The following TCF7L1 variants were observed in gnomAD, a reference collection of about 807,000 sequenced individuals.
TCF7L1 encodes the protein transcription factor 7-like 1.
Under a neutral mutation model 63.7 loss-of-function variants are expected in TCF7L1, and 18 were observed. That is an observed-to-expected ratio of 0.28 (90% CI 0.20 to 0.42). The LOEUF is 0.42. TCF7L1 is among the 10% of genes least tolerant of loss of function. The pLI, the probability that TCF7L1 is intolerant of heterozygous loss-of-function variation, is 1.00. For missense variants in TCF7L1, 654 were observed against 779.3 expected (o/e 0.84, Z 1.91); for synonymous variants, 355 against 340.9 (o/e 1.04, Z -0.46).
chr2:85,185,960 A>ATTTTT (rs67142055), intron 3 of TCF7L1, among the ~76,000 whole-genome samples: 25 of 94,622 alleles, frequency 2.6e-4, no homozygotes, highest in African/African-American at 8.5e-4. Flanking sequence ...AACACAGGGG[A>ATTTTT]TTTTTTTTTT....
At chr2:85,202,594 G>T (rs1373553466) in intron 3 of TCF7L1, among the ~76,000 whole-genome samples, 1 of 152,118 alleles carries the variant, frequency 6.6e-6, no homozygotes, top group Admixed American at 6.5e-5. Flanking sequence ...AGAGGTCTTT[G>T]ATCAATTCTG....
At chr2:85,191,740 G>A (rs754738459) in intron 3 of TCF7L1, among the ~76,000 whole-genome samples, 10 of 151,588 alleles carry the variant, frequency 6.6e-5, no homozygotes, top group Admixed American at 4.6e-4. Context: ...CAGGAGAATC[G>A]CTTGCAGCTG....
At chr2:85,307,548 G>C (rs1682147400) in intron 10 of TCF7L1, 94 bp from the exon 11 acceptor site, 2 of 1,076,044 alleles carry the variant, frequency 1.9e-6, no homozygotes, top group Non-Finnish European at 2.8e-6. Context: ...GAGCAGTAAA[G>C]GGCAACGTCC....
At chr2:85,193,759 G>A (rs528185284) in intron 3 of TCF7L1, among the ~76,000 whole-genome samples, 1 of 152,164 alleles carries the variant, frequency 6.6e-6, no homozygotes, top group Non-Finnish European at 1.5e-5. Flanking sequence ...TCTTTTTTGG[G>A]AAATACAGAA....
chr2:85,136,274 G>C (rs1343359951), intron 3 of TCF7L1, among the ~76,000 whole-genome samples: 2 of 152,122 alleles, frequency 1.3e-5, no homozygotes, highest in Admixed American at 1.3e-4. Flanking sequence ...GATTCATCCA[G>C]GCTCTGCTGT....
At chr2:85,242,023 C>CT (rs1553402554) in intron 3 of TCF7L1, among the ~76,000 whole-genome samples, 2 of 139,534 alleles carry the variant, frequency 1.4e-5, no homozygotes, top group South Asian at 4.8e-4. Context: ...GGCGGTGGTG[C>CT]GGGGGGGCAA....
Position 85,309,749 on chromosome 2 carries a change from G to A in TCF7L1, c.*287G>A. The A allele has an allele frequency of 2.8e-6, 1 of 353,010 alleles. No individual in the cohort carries two copies. Among genetic ancestry groups the A allele is most frequent in the Non-Finnish European group, 5.1e-6 (1 of 196,510 alleles). 21.9% of individuals were successfully genotyped at this position (353,010 alleles called of 1,614,324 possible). A position where few individuals can be genotyped will look rare whatever the true frequency, so the allele number is the denominator to read the frequency against. On this transcript the variant is annotated 3_prime_UTR_variant, in exon 12 of 12. Transcript: ENST00000282111. ...GCTGTGGTGGATGGACCTGGGCAGA[G>A]GGCACTTCTCTCTCTTACCTCTCTT...
intron 3 of TCF7L1, among the ~76,000 whole-genome samples, chr2:85,195,687 G>A (rs574509604): frequency 6.6e-6 from 1 of 151,992 alleles, no homozygotes; most frequent in African/African-American, 2.4e-5. Flanking sequence ...GCTGGGACTA[G>A]AGGGGCACGC....
chr2:85,195,304 ATGGG>A (rs1365712840), intron 3 of TCF7L1, among the ~76,000 whole-genome samples: 1 of 152,194 alleles, frequency 6.6e-6, no homozygotes, highest in Non-Finnish European at 1.5e-5. Context: ...GTTAACGTGC[ATGGG>A]ACGTGGTGGC....
intron 3 of TCF7L1, among the ~76,000 whole-genome samples, chr2:85,151,316 T>G (rs1312391600): frequency 6.6e-6 from 1 of 152,238 alleles, no homozygotes; most frequent in African/African-American, 2.4e-5. Context: ...ATGATATCTT[T>G]TAACATGTTG....
chr2:85,142,809 A>G (rs1187322922), intron 3 of TCF7L1, among the ~76,000 whole-genome samples: 2 of 152,226 alleles, frequency 1.3e-5, no homozygotes, highest in Admixed American at 6.5e-5. Context: ...TGCTGTATGC[A>G]CTGCCCAGGG....
intron 3 of TCF7L1, among the ~76,000 whole-genome samples, chr2:85,264,090 C>T (rs1055489947): frequency 2.0e-5 from 3 of 152,264 alleles, no homozygotes; most frequent in South Asian, 2.1e-4. Flanking sequence ...AAGGGAGAGA[C>T]GGCCTCAGCA....
chr2:85,247,960 A>G (rs1680502861), intron 3 of TCF7L1, among the ~76,000 whole-genome samples: 1 of 152,200 alleles, frequency 6.6e-6, no homozygotes, highest in African/African-American at 2.4e-5. Flanking sequence ...GCATGCAGTT[A>G]GTTGAGTGTA....
intron 3 of TCF7L1, among the ~76,000 whole-genome samples, chr2:85,224,187 A>G (rs1348599169): frequency 6.6e-6 from 1 of 152,204 alleles, no homozygotes; most frequent in African/African-American, 2.4e-5. Flanking sequence ...CCAGTCAATT[A>G]TTGATGGACA....
chr2:85,304,087 C>T, intron 6 of TCF7L1, 90 bp downstream of exon 6: 1 of 1,236,060 alleles, frequency 8.1e-7, no homozygotes, highest in African/African-American at 1.5e-5. Flanking sequence ...GTGGAGCCCC[C>T]TCAGAGGCAA....
intron 3 of TCF7L1, among the ~76,000 whole-genome samples, chr2:85,263,364 G>A (rs1680900330): frequency 6.6e-6 from 1 of 152,098 alleles, no homozygotes; most frequent in Admixed American, 6.5e-5. Flanking sequence ...CTGGCCTGGG[G>A]AGGGGCTGCC....
At chr2:85,171,300 A>G (rs1213832851) in intron 3 of TCF7L1, among the ~76,000 whole-genome samples, 4 of 152,178 alleles carry the variant, frequency 2.6e-5, no homozygotes, top group Non-Finnish European at 4.4e-5. Context: ...ACAATTCGAG[A>G]TTTAGGTGGG....
At position 85,303,933 on chromosome 2, in the gene TCF7L1, T is replaced by C; in HGVS notation, c.697T>C (p.Tyr233His). 2.5e-6 allele frequency: 4 copies of C among 1,613,414 alleles called. No individual in the cohort carries two copies. The highest frequency in any genetic ancestry group is 3.4e-6 in the Non-Finnish European group (4 of 1,179,736). ...CCCTCACCCATCCGAGCTGTCACCG[T>C]ATTACCCACTCTCTCCCGGAGCTGT... is the stretch of plus-strand genomic sequence containing the variant. ...RPPHPSELSP[Y>H]YPLSPGAVGQ... The change falls in exon 6 of 12, where the codon TAT becomes CAT. Residue 233 changes from tyrosine to histidine, a missense_variant. This residue lies in a region of TCF7L1 where 404 missense variants were observed against 454.8 expected (regional missense o/e 0.89). Coordinates refer to ENST00000282111, the MANE Select transcript of TCF7L1 (RefSeq NM_031283.3).
Position 85,220,375 on chromosome 2 carries a change from T to C in TCF7L1, c.442-63120T>C, listed in dbSNP as rs993459808. ...ACTTAAAAAAAAATATATATATATG[T>C]ATATATATTTTTTGAGATGGAGTCT... is the stretch of plus-strand genomic sequence containing the variant. On this transcript the variant is annotated intron_variant, in intron 3 of 11. Coordinates refer to ENST00000282111, the MANE Select transcript of TCF7L1 (RefSeq NM_031283.3). 4.0e-5 allele frequency among the ~76,000 whole-genome samples: 6 copies of C among 151,812 alleles called. No homozygotes were observed. The East Asian group carries it at 5.8e-4, about 15-fold the overall frequency.
Sources: gnomAD v4.1 joint callset for allele counts (sites outside exome capture counted in the v4.1 genomes callset) on GRCh38, gnomAD v4.1.1 for gene constraint, gnomAD v4.1.1 regional missense constraint, MANE v1.5 for transcripts, NCBI Gene and HGNC (gene_info 2026-07-23, HGNC 2026-07-21) for gene names.